The following RDX variants were observed in gnomAD, a reference collection of about 807,000 sequenced individuals.
RDX encodes the protein deafness, autosomal recessive 24.
Under a neutral mutation model 83.7 loss-of-function variants are expected in RDX, and 32 were observed. The ratio of observed to expected loss-of-function variants is 0.38; its 90% CI spans 0.29 to 0.51. The LOEUF is 0.51. RDX is among the 20% of genes least tolerant of loss of function. The probability of loss-of-function intolerance (pLI) is 0.87; values close to 1 mark genes in which losing one functional copy is unlikely to be tolerated. For synonymous variants in RDX, 229 were observed against 222.7 expected, an observed-to-expected ratio of 1.03 and a Z score of -0.25; for missense variants, 600 against 689.9, an observed-to-expected ratio of 0.87 and a Z score of 1.46.
At chr11:110,264,468 T>C (rs1859938450) in intron 4 of RDX, among the ~76,000 whole-genome samples, 1 of 152,206 alleles carries the variant, frequency 6.6e-6, no homozygotes, top group Non-Finnish European at 1.5e-5. Context: ...CTTTTTTTCA[T>C]ATTCTTGAGA....
chr11:110,282,839 T>G (rs1418655408), intron 1 of RDX, among the ~76,000 whole-genome samples: 1 of 152,028 alleles, frequency 6.6e-6, no homozygotes, highest in Admixed American at 6.6e-5. Context: ...AAACCAGGCA[T>G]AGTAGAGTGC....
At chr11:110,232,109 G>T in intron 13 of RDX, 76 bp from the exon 14 acceptor site, 1 of 1,144,600 alleles carries the variant, frequency 8.7e-7, no homozygotes, top group Non-Finnish European at 1.3e-6. Context: ...GCTTTAAGAT[G>T]CAAAAATACA....
chr11:110,239,666 A>T (rs906866707), intron 10 of RDX, among the ~76,000 whole-genome samples: 1 of 152,086 alleles, frequency 6.6e-6, no homozygotes, highest in African/African-American at 2.4e-5. Context: ...TATCAAAAAG[A>T]CAGGCAAGGC....
intron 14 of RDX, among the ~76,000 whole-genome samples, chr11:110,202,595 CTTTTTTT>C (rs58793509): frequency 3.3e-5 from 4 of 121,300 alleles, no homozygotes; most frequent in South Asian, 2.7e-4. Context: ...ATTTTTCTTT[CTTTTTTT>C]TTTTTTTTTT....
chr11:110,226,132 T>G (rs1318657375), downstream of RDX, among the ~76,000 whole-genome samples: 1 of 151,444 alleles, frequency 6.6e-6, no homozygotes, highest in Non-Finnish European at 1.5e-5. Flanking sequence ...TTTCTGGGTA[T>G]GTACCCCAAA....
At chr11:110,293,936 A>C (rs1330923260) in intron 1 of RDX, among the ~76,000 whole-genome samples, 1 of 152,244 alleles carries the variant, frequency 6.6e-6, no homozygotes, top group East Asian at 1.9e-4. Flanking sequence ...AAATGCATTA[A>C]ATTAAAAATG....
intron 14 of RDX, among the ~76,000 whole-genome samples, chr11:110,202,646 T>G (rs1863457597): frequency 6.6e-6 from 1 of 150,554 alleles, no homozygotes; most frequent in Admixed American, 6.6e-5. Flanking sequence ...GGTCTCACTA[T>G]GTTGCCCAGG....
chr11:110,234,812 A>G (rs1032732840), intron 12 of RDX, among the ~76,000 whole-genome samples: 1 of 152,228 alleles, frequency 6.6e-6, no homozygotes, highest in Non-Finnish European at 1.5e-5. Flanking sequence ...AAACTGCTAC[A>G]AAGATTTACT....
intron 1 of RDX, among the ~76,000 whole-genome samples, chr11:110,296,179 C>T (rs997646846): frequency 5.9e-5 from 9 of 152,192 alleles, no homozygotes; most frequent in African/African-American, 1.9e-4. Context: ...AAAGGAGAAT[C>T]CCGCGGCGGC....
intron 15 of RDX, among the ~76,000 whole-genome samples, chr11:110,186,785 T>C (rs1295170837): frequency 6.6e-6 from 1 of 152,200 alleles, no homozygotes; most frequent in Admixed American, 6.5e-5. Context: ...AAGTGGCAGA[T>C]ATTTTCCCAG....
At chr11:110,188,548 T>C (rs900529961) in intron 15 of RDX, among the ~76,000 whole-genome samples, 1 of 151,876 alleles carries the variant, frequency 6.6e-6, no homozygotes, top group Non-Finnish European at 1.5e-5. Flanking sequence ...GACTACATAT[T>C]GGGTAACAGT....
At chr11:110,267,559 CACACACAAAT>C (rs1484118792) in intron 3 of RDX, among the ~76,000 whole-genome samples, 1 of 144,490 alleles carries the variant, frequency 6.9e-6, no homozygotes, top group African/African-American at 2.6e-5. Flanking sequence ...CACACACACA[CACACACAAAT>C]AATCTTAAAA....
At chr11:110,278,882 A>C (rs1860631865) in intron 2 of RDX, among the ~76,000 whole-genome samples, 1 of 151,932 alleles carries the variant, frequency 6.6e-6, no homozygotes, top group African/African-American at 2.4e-5. Flanking sequence ...AACTCACTTT[A>C]TTAGATTAAG....
intron 9 of RDX, 37 bp from the exon 10 acceptor site, chr11:110,247,870 C>A (rs1338385704): frequency 1.3e-6 from 2 of 1,534,412 alleles, no homozygotes; most frequent in Non-Finnish European, 1.8e-6. Flanking sequence ...CAAATTAATA[C>A]ACAAAAATAT....
intron 1 of RDX, among the ~76,000 whole-genome samples, chr11:110,282,563 T>G (rs1860806557): frequency 6.6e-6 from 1 of 152,172 alleles, no homozygotes; most frequent in South Asian, 2.1e-4. Flanking sequence ...TTTAGCTAGG[T>G]CAGTCATGGT....
intron 10 of RDX, among the ~76,000 whole-genome samples, chr11:110,247,287 T>C (rs958129742): frequency 6.6e-6 from 1 of 152,196 alleles, no homozygotes; most frequent in Non-Finnish European, 1.5e-5. Flanking sequence ...AAAGTTCATA[T>C]AGTCAGAATA....
At chr11:110,253,833 T>C in intron 9 of RDX, 113 bp downstream of exon 9, 1 of 870,712 alleles carries the variant, frequency 1.1e-6, no homozygotes, top group Non-Finnish European at 1.8e-6. Flanking sequence ...AATTTTAATA[T>C]AATGAAAATA....
Position 110,237,654 on chromosome 11 carries a change from T to A in RDX, c.1091-2A>T. 1 of 1,614,062 alleles carries A rather than the reference T, an allele frequency of 6.2e-7. No homozygotes were observed. The highest frequency in any genetic ancestry group is 8.5e-7 in the Non-Finnish European group (1 of 1,179,888). On this transcript the variant is annotated splice_acceptor_variant, in intron 10 of 13. Transcript: ENST00000645495. LOFTEE classifies it high-confidence loss of function. ...CTTTTCGAGTCTGTTCTTCTAGTTC[T>A]ATGAAATATGTGTATTCCCCCCAAC...
intron 1 of RDX, among the ~76,000 whole-genome samples, chr11:110,289,659 G>A (rs1302879989): frequency 6.6e-6 from 1 of 152,070 alleles, no homozygotes; most frequent in Non-Finnish European, 1.5e-5. Context: ...GCTCACACCA[G>A]AAATCTCGGC....
Sources: allele counts gnomAD v4.1 joint callset (sites outside exome capture counted in the v4.1 genomes callset), GRCh38; gene constraint gnomAD v4.1.1; transcripts MANE v1.5; gene names NCBI Gene and HGNC (gene_info 2026-07-23, HGNC 2026-07-21).